Variants in HIVEP3 observed in about 807,000 individuals in gnomAD.
The protein encoded by HIVEP3 is HIVEP zinc finger 3.
A neutral mutation model predicts 152.8 loss-of-function variants in HIVEP3; 49 were observed. That is an observed-to-expected ratio of 0.32 (90% CI 0.26 to 0.41). HIVEP3 has a LOEUF of 0.41. HIVEP3 is among the 10% of genes least tolerant of loss of function. The probability of loss-of-function intolerance (pLI) is 1.00; values close to 1 mark genes in which losing one functional copy is unlikely to be tolerated. For missense variants in HIVEP3, 2,790 were observed against 3,103.3 expected (o/e 0.90, Z 2.40); for synonymous variants, 1,269 against 1,289.0 (o/e 0.98, Z 0.33).
At chr1:41,527,307 ACT>A (rs1491100727) in intron 5 of HIVEP3, among the ~76,000 whole-genome samples, 3 of 51,000 alleles carry the variant, frequency 5.9e-5, no homozygotes, top group Non-Finnish European at 1.3e-4. Context: ...ACACCCTCAC[ACT>A]TCACACCCCT....
Position 41,827,862 on chromosome 1 carries a change from G to GA in HIVEP3, c.-801+90550_-801+90551insT, listed in dbSNP as rs535978392. Among the ~76,000 whole-genome samples the GA allele has an allele frequency of 2.6e-5, 4 of 152,106 alleles. No homozygotes were observed. The South Asian group carries it at 8.3e-4, about 32-fold the overall frequency. On this transcript the variant is annotated intron_variant, in intron 1 of 8. Transcript: ENST00000372583. ...TGGGAAAAGGATATGGGCAGGGCTTGGGGGGCATGGGGTAAAGTAGGGAGA... is the reference window on the plus strand; with the variant it reads ...TGGGAAAAGGATATGGGCAGGGCTTGAGGGGGCATGGGGTAAAGTAGGGAGA...
In HIVEP3 at chr1:41,757,693, T is replaced by TTTTATTTATTTATTTA. The variant is rs1226100189; in HGVS notation, c.-800-56699_-800-56698insTAAATAAATAAATAAA. 1.3e-3 allele frequency among the ~76,000 whole-genome samples: 83 copies of TTTTATTTATTTATTTA among 61,840 alleles called. 1 individual carries two copies. In the East Asian group the frequency reaches 0.027, roughly 20 times the overall value. The allele number at this position is 61,840 out of a possible 152,430, so 40.6% of individuals were successfully genotyped here. On this transcript the variant is annotated intron_variant, in intron 1 of 8. Transcript: ENST00000372583. ...CTTCAGTCTGTTTATATTTTCTACTTTGTATTTATTTATTTATTTATTTAT... is the reference window on the plus strand; with the variant it reads ...CTTCAGTCTGTTTATATTTTCTACTTTTTATTTATTTATTTATGTATTTATTTATTTATTTATTTAT...
intron 1 of HIVEP3, among the ~76,000 whole-genome samples, chr1:41,781,681 T>C (rs1319889096): frequency 6.6e-6 from 1 of 152,154 alleles, no homozygotes; most frequent in East Asian, 1.9e-4. Context: ...GAGAAAGGTG[T>C]TCTGGCTCTT....
chr1:41,533,506 C>A lies in HIVEP3; in HGVS notation c.5208-8596G>T, dbSNP rs1643319945. Among the ~76,000 whole-genome samples the A allele has an allele frequency of 6.6e-6, 1 of 152,108 alleles. No individual in the cohort carries two copies. Among genetic ancestry groups the A allele is most frequent in the African/African-American group, 2.4e-5 (1 of 41,404 alleles). ...CCGGATCTGGAGAGGGCTGTCCACA[C>A]CTCCTCCCCACTCTATGCTTTTGAG... On this transcript the variant is annotated intron_variant, in intron 5 of 8. Transcript: ENST00000372583. The surrounding 1 kb of genome is among the most constrained non-coding windows in gnomAD (Gnocchi z 4.3).
intron 1 of HIVEP3, among the ~76,000 whole-genome samples, chr1:41,958,190 C>T (rs1158123097): frequency 1.3e-5 from 2 of 152,226 alleles, no homozygotes; most frequent in Non-Finnish European, 2.9e-5. Flanking sequence ...TACAAGCAGC[C>T]TTGCCATTTG....
intron 1 of HIVEP3, among the ~76,000 whole-genome samples, chr1:42,028,976 A>G (rs1335729251): frequency 6.6e-6 from 1 of 152,252 alleles, no homozygotes; most frequent in Non-Finnish European, 1.5e-5. Context: ...AAGAGAAGGC[A>G]GAAATCTATA....
chr1:41,930,993 A>G (rs1479415899), intron 1 of HIVEP3, among the ~76,000 whole-genome samples: 1 of 152,058 alleles, frequency 6.6e-6, no homozygotes, highest in Non-Finnish European at 1.5e-5. Flanking sequence ...CTGAAGCTTG[A>G]AAGTTCTTTA....
At chr1:41,621,350 A>G (rs1645044486) in intron 3 of HIVEP3, among the ~76,000 whole-genome samples, 1 of 152,200 alleles carries the variant, frequency 6.6e-6, no homozygotes, top group South Asian at 2.1e-4. Context: ...CTCACAGGAT[A>G]AAGTCTAAGC....
At chr1:41,903,796 T>C (rs1644665018) in intron 1 of HIVEP3, among the ~76,000 whole-genome samples, 3 of 152,104 alleles carry the variant, frequency 2.0e-5, no homozygotes, top group South Asian at 2.1e-4. Flanking sequence ...TAAAAGAGTA[T>C]TGGGTCAGCA....
intron 1 of HIVEP3, among the ~76,000 whole-genome samples, chr1:41,882,274 C>T (rs902767535): frequency 6.6e-6 from 1 of 152,164 alleles, no homozygotes; most frequent in South Asian, 2.1e-4. Flanking sequence ...GCGAGCTGCA[C>T]GCGGGAGGGA....
chr1:41,666,804 C>T (rs893062780), intron 2 of HIVEP3, among the ~76,000 whole-genome samples: 1 of 152,166 alleles, frequency 6.6e-6, no homozygotes, highest in Non-Finnish European at 1.5e-5. Flanking sequence ...CCCTGTTCAG[C>T]GAAACCACCC....
chr1:41,798,401 A>G (rs1650106596), intron 1 of HIVEP3, among the ~76,000 whole-genome samples: 1 of 152,176 alleles, frequency 6.6e-6, no homozygotes, highest in African/African-American at 2.4e-5. Context: ...GAATATTACA[A>G]GTCCCTTTGC....
chr1:41,739,245 C>A (rs1223431795), intron 1 of HIVEP3, among the ~76,000 whole-genome samples: 1 of 152,196 alleles, frequency 6.6e-6, no homozygotes. Context: ...GTCACGTGCA[C>A]AGAGCAGCCG....
At chr1:41,681,654 C>T (rs938341180) in intron 2 of HIVEP3, among the ~76,000 whole-genome samples, 8 of 152,288 alleles carry the variant, frequency 5.3e-5, no homozygotes, top group Admixed American at 1.3e-4. Context: ...AATGGTGCAG[C>T]GCTGGCCTGG....
Position 41,579,879 on chromosome 1 carries a change from G to A in HIVEP3, c.4919C>T (p.Pro1640Leu), listed in dbSNP as rs545658471. The change falls in exon 4 of 9, where the codon CCG becomes CTG. Residue 1640 changes from proline to leucine, a missense_variant. Pro to Leu is a moderately conservative substitution (Grantham distance 98). This residue lies in a region of HIVEP3 where 1,078 missense variants were observed against 1,165.3 expected (regional missense o/e 0.93). Transcript: ENST00000372583. Reference protein sequence around the residue: ...WCISLYNPNLPGVSTKAALSL... With the variant: ...WCISLYNPNLLGVSTKAALSL... ...CAAAGCAGCTTTAGTGGAAACCCCC[G>A]GAAGGTTGGGGTTGTACAAACTTAT... The A allele has an allele frequency of 7.0e-5, 113 of 1,614,058 alleles. No homozygotes were observed. The highest frequency in any genetic ancestry group is 1.1e-4 in the East Asian group (5 of 44,898).
At chr1:41,961,719 A>C (rs1337223344) in intron 1 of HIVEP3, among the ~76,000 whole-genome samples, 1 of 152,256 alleles carries the variant, frequency 6.6e-6, no homozygotes, top group Admixed American at 6.5e-5. Context: ...TGATACAAGG[A>C]GAAATATGAA....
In HIVEP3 at chr1:41,918,504, G is replaced by C. The variant is rs1232543450; in HGVS notation, c.-892C>G. ...AATTATTCCGGCCAGGCAGGATTTT[G>C]TGCATTTTTTTCATGAACACCTGTT... is the stretch of plus-strand genomic sequence containing the variant. On this transcript the variant is annotated 5_prime_UTR_variant, in exon 1 of 9. Transcript: ENST00000372583. This position sits in a 1 kb window ranked among gnomAD's most constrained non-coding sequence, Gnocchi z 4.3. The C allele has an allele frequency of 1.3e-5, 2 of 152,128 alleles. No individual in the cohort carries two copies. Among genetic ancestry groups the C allele is most frequent in the African/African-American group, 2.4e-5 (1 of 41,402 alleles). The allele number at this position is 152,128 out of a possible 1,614,324, so 9.4% of individuals were successfully genotyped here.
intron 1 of HIVEP3, among the ~76,000 whole-genome samples, chr1:41,942,545 CT>C (rs902428058): frequency 2.0e-5 from 3 of 152,328 alleles, no homozygotes; most frequent in Non-Finnish European, 4.4e-5. Context: ...CCCTATGGAA[CT>C]TTTTTGCAAT....
rs955688457 is a variant in HIVEP3 at position 41,506,987 on chromosome 1, T to G, written c.*3464A>C. 3 of 151,724 alleles carry G rather than the reference T, an allele frequency of 2.0e-5. No homozygotes were observed. The highest frequency in any genetic ancestry group is 6.6e-5 in the Admixed American group (1 of 15,168). The allele number at this position is 151,724 out of a possible 1,614,324, so 9.4% of individuals were successfully genotyped here. A position where few individuals can be genotyped will look rare whatever the true frequency, so the allele number is the denominator to read the frequency against. ...GTTTTCTAATGGAAAGCAGACTGGA[T>G]TCACAACACAGAAGCAGAATTGGTG... On this transcript the variant is annotated 3_prime_UTR_variant, in exon 9 of 9. Coordinates refer to ENST00000372583, the MANE Select transcript of HIVEP3 (RefSeq NM_024503.5).
Sources: allele counts gnomAD v4.1 joint callset (sites outside exome capture counted in the v4.1 genomes callset), GRCh38; gene constraint gnomAD v4.1.1; regional missense constraint gnomAD v4.1.1; non-coding constraint Gnocchi (gnomAD v3.1); transcripts MANE v1.5; gene names NCBI Gene and HGNC (gene_info 2026-07-23, HGNC 2026-07-21).